The following RIN2 variants were observed in gnomAD, a reference collection of about 807,000 sequenced individuals.
RIN2 encodes RAB5 interacting protein 2.
A neutral mutation model predicts 78.0 loss-of-function variants in RIN2; 36 were observed. The ratio of observed to expected loss-of-function variants is 0.46; its 90% CI spans 0.35 to 0.61. The LOEUF is 0.61. Among genes scored for constraint, RIN2 ranks in the 20% least tolerant of loss-of-function variants. The pLI is 0.00. For missense variants in RIN2, 1,087 were observed against 1,159.7 expected, an observed-to-expected ratio of 0.94 and a Z score of 0.91; for synonymous variants, 466 against 466.8, an observed-to-expected ratio of 1.00 and a Z score of 0.02.
intron 2 of RIN2, among the ~76,000 whole-genome samples, chr20:19,872,552 C>G (rs368554645): frequency 6.6e-6 from 1 of 152,118 alleles, no homozygotes; most frequent in African/African-American, 2.4e-5. Flanking sequence ...CAAGTTAATA[C>G]GCCCAGGAGC....
intron 3 of RIN2, among the ~76,000 whole-genome samples, chr20:19,932,221 G>C (rs1457000244): frequency 6.6e-6 from 1 of 152,320 alleles, no homozygotes; most frequent in Admixed American, 6.5e-5. Context: ...CTGACAAAAA[G>C]AATGAGCTTG....
intron 8 of RIN2, 122 bp from the exon 9 acceptor site, chr20:19,974,532 C>T: frequency 3.1e-6 from 3 of 958,426 alleles, no homozygotes; most frequent in Non-Finnish European, 4.6e-6. Context: ...CTGAGTACAA[C>T]GCACCCCCTA....
chr20:19,965,326 A>G (rs2041901187), intron 7 of RIN2, among the ~76,000 whole-genome samples: 1 of 152,186 alleles, frequency 6.6e-6, no homozygotes, highest in African/African-American at 2.4e-5. Flanking sequence ...AAACACACAC[A>G]CACGCACATA....
intron 3 of RIN2, among the ~76,000 whole-genome samples, chr20:19,906,522 T>C (rs2039225848): frequency 6.6e-6 from 1 of 152,270 alleles, no homozygotes; most frequent in East Asian, 1.9e-4. Context: ...GCCAGGAAGA[T>C]AATGTAGGCG....
At chr20:19,833,698 C>A (rs1202709593) in intron 2 of RIN2, among the ~76,000 whole-genome samples, 2 of 152,222 alleles carry the variant, frequency 1.3e-5, no homozygotes, top group African/African-American at 4.8e-5. Context: ...GATCTTCAAG[C>A]CTGGGCTGGT....
chr20:19,805,702 C>A (rs2122749111), intron 2 of RIN2, among the ~76,000 whole-genome samples: 1 of 151,998 alleles, frequency 6.6e-6, no homozygotes, highest in Non-Finnish European at 1.5e-5. Flanking sequence ...GCGCCTGGCC[C>A]AAGTTACAAG....
At chr20:19,945,679 T>C (rs2041061698) in intron 4 of RIN2, among the ~76,000 whole-genome samples, 1 of 152,176 alleles carries the variant, frequency 6.6e-6, no homozygotes, top group South Asian at 2.1e-4. Context: ...TTATCTTTCT[T>C]ATCATTTTTT....
intron 2 of RIN2, among the ~76,000 whole-genome samples, chr20:19,835,144 GAGGA>G (rs149867906): frequency 2.0e-5 from 3 of 148,446 alleles, no homozygotes; most frequent in Non-Finnish European, 4.4e-5. Context: ...GGAAGGGAGG[GAGGA>G]AGGAAGGAAG....
At chr20:19,863,248 C>T (rs1473132157) in intron 2 of RIN2, among the ~76,000 whole-genome samples, 1 of 152,190 alleles carries the variant, frequency 6.6e-6, no homozygotes, top group African/African-American at 2.4e-5. Flanking sequence ...CATTATTTAA[C>T]ACGTTTTGTC....
intron 1 of RIN2, among the ~76,000 whole-genome samples, chr20:19,788,257 A>G (rs1290756349): frequency 6.6e-6 from 1 of 152,106 alleles, no homozygotes; most frequent in Non-Finnish European, 1.5e-5. Context: ...TAGTCTTACC[A>G]GGACACTAAG....
At chr20:19,895,203 G>C (rs938464300) in intron 3 of RIN2, among the ~76,000 whole-genome samples, 1 of 152,122 alleles carries the variant, frequency 6.6e-6, no homozygotes, top group African/African-American at 2.4e-5. Context: ...ATGTATGAAG[G>C]CCTAGCTGTA....
intron 3 of RIN2, among the ~76,000 whole-genome samples, chr20:19,916,528 A>G (rs2123764660): frequency 6.6e-6 from 1 of 152,320 alleles, no homozygotes; most frequent in Non-Finnish European, 1.5e-5. Flanking sequence ...CTGAGTTGAG[A>G]GGATCGCTTT....
At chr20:19,820,808 T>C (rs2035904326) in intron 2 of RIN2, among the ~76,000 whole-genome samples, 1 of 152,188 alleles carries the variant, frequency 6.6e-6, no homozygotes, top group African/African-American at 2.4e-5. Flanking sequence ...GCATTTATAA[T>C]TCCTTCTGCA....
Position 19,935,126 on chromosome 20 carries a change from G to A in RIN2, c.85G>A (p.Gly29Arg), listed in dbSNP as rs78648341. ...CATTGACACAATTGCCTCGGAGATC[G>A]GAGAACTGAAACAGGAGATGGTGCG... Reference protein sequence around the residue: ...KLIDTIASEIGELKQEMVRTD... With the variant: ...KLIDTIASEIRELKQEMVRTD... The change falls in exon 4 of 13, where the codon GGA becomes AGA. Residue 29 changes from glycine to arginine, a missense_variant. Physicochemically the swap from Gly to Arg is moderately radical, Grantham distance 125 (BLOSUM62 -2). Coordinates refer to ENST00000255006, the MANE Select transcript of RIN2 (RefSeq NM_018993.4). 0.014 allele frequency: 22,262 copies of A among 1,602,462 alleles called. 206 individuals are homozygous for A. The highest frequency in any genetic ancestry group is 0.015 in the Non-Finnish European group (17,985 of 1,174,474).
chr20:19,990,444 A>G, intron 10 of RIN2, 133 bp downstream of exon 10: 1 of 792,664 alleles, frequency 1.3e-6, no homozygotes, highest in African/African-American at 1.7e-5. Context: ...GGCTTACAGA[A>G]CTACAAGTGA....
At chr20:19,916,155 G>C (rs189574207) in intron 3 of RIN2, among the ~76,000 whole-genome samples, 1 of 152,180 alleles carries the variant, frequency 6.6e-6, no homozygotes, top group Admixed American at 6.5e-5. Flanking sequence ...CAGGAGAATC[G>C]CTTGAACCTG....
At chr20:19,938,125 C>T (rs1393982037) in intron 4 of RIN2, among the ~76,000 whole-genome samples, 1 of 152,202 alleles carries the variant, frequency 6.6e-6, no homozygotes. Context: ...CCCCCAGTGC[C>T]CTGGCTGGTT....
chr20:19,833,283 T>TTATATATATATATATA (rs1031106258), intron 2 of RIN2, among the ~76,000 whole-genome samples: 46 of 150,930 alleles, frequency 3.0e-4, no homozygotes, highest in African/African-American at 1.1e-3. Flanking sequence ...TAGATATAGG[T>TTATATATATATATATA]TATATATATA....
intron 1 of RIN2, among the ~76,000 whole-genome samples, chr20:19,790,603 TG>T (rs2122615854): frequency 6.6e-6 from 1 of 152,270 alleles, no homozygotes; most frequent in African/African-American, 2.4e-5. Flanking sequence ...AAGGCCAGCC[TG>T]GGCAACATAG....
Sources: gnomAD v4.1 joint callset for allele counts (sites outside exome capture counted in the v4.1 genomes callset) on GRCh38, gnomAD v4.1.1 for gene constraint, MANE v1.5 for transcripts, NCBI Gene and HGNC (gene_info 2026-07-23, HGNC 2026-07-21) for gene names.